PROM2: variants seen among roughly 807,000 people sequenced by gnomAD.
PROM2 encodes prominin 2.
PROM2 carries 90 observed loss-of-function variants against 110.2 expected under a neutral mutation model. The observed-to-expected ratio is 0.82, with a 90% CI of 0.69 to 0.97. The LOEUF (loss-of-function observed/expected upper bound fraction) is 0.97, where lower values mean the gene tolerates loss of function less well. PROM2 is among the 50% of genes least tolerant of loss of function. PROM2 has a pLI of 0.00. For synonymous variants in PROM2, 470 were observed against 467.8 expected (o/e 1.00, Z -0.06); for missense variants, 1,009 against 1,074.8 (o/e 0.94, Z 0.86).
intron 10 of PROM2, 105 bp from the exon 11 acceptor site, chr2:95,279,740 C>A: frequency 1.1e-6 from 1 of 936,848 alleles, no homozygotes; most frequent in Non-Finnish European, 1.5e-6. Context: ...TCTGAAGCCC[C>A]AGCCTTGGGG....
Position 95,286,504 on chromosome 2 carries a change from T to G in PROM2, c.1973T>G (p.Leu658Arg). 1 of 1,613,758 alleles carries G rather than the reference T, an allele frequency of 6.2e-7. No homozygotes were observed. The highest frequency in any genetic ancestry group is 8.5e-7 in the Non-Finnish European group (1 of 1,179,938). The change falls in exon 17 of 24, where the codon CTG (leucine) becomes CGG (arginine). Residue 658 changes from leucine (L) to arginine (R), a missense_variant. Physicochemically the swap from Leu to Arg is moderately radical, Grantham distance 102. Transcript: ENST00000317620. ...AQDNSVLGQR[L>R]QEEAQGLRNL... is the part of the protein sequence containing the mutation. ...GACAATTCTGTGCTGGGGCAGCGGC[T>G]GCAGGAGGAGGCCCAAGGACTCAGA... is the stretch of plus-strand genomic sequence containing the variant.
Position 95,276,489 on chromosome 2 carries a change from C to T in PROM2, c.619-105C>T. On this transcript the variant is annotated intron_variant, in intron 4 of 23. Transcript: ENST00000317620. This position sits in a 1 kb window ranked among gnomAD's most constrained non-coding sequence, Gnocchi z 4.6. ...CCCGCCCTTGCCTGAGAGTCGACCACCCTCAGGGTGGATGCCATAGGGGCA... is the reference window on the plus strand; with the variant it reads ...CCCGCCCTTGCCTGAGAGTCGACCATCCTCAGGGTGGATGCCATAGGGGCA... The T allele has an allele frequency of 1.9e-6, 3 of 1,600,888 alleles. No homozygotes were observed. Among genetic ancestry groups the T allele is most frequent in the Non-Finnish European group, 2.6e-6 (3 of 1,169,632 alleles).
At chr2:95,284,290 T>A (rs1677213222) in intron 14 of PROM2, among the ~76,000 whole-genome samples, 2 of 151,544 alleles carry the variant, frequency 1.3e-5, no homozygotes, top group East Asian at 1.9e-4. Context: ...AGCCTAGGAG[T>A]TCAAGAACAG....
Position 95,289,229 on chromosome 2 carries a change from G to C in PROM2, c.*16G>C. 1.7e-6 allele frequency: 1 copy of C among 577,630 alleles called. No homozygotes were observed. Among genetic ancestry groups the C allele is most frequent in the Non-Finnish European group, 3.1e-6 (1 of 322,490 alleles). The allele number at this position is 577,630 out of a possible 1,614,324, so 35.8% of individuals were successfully genotyped here. A position where few individuals can be genotyped will look rare whatever the true frequency, so the allele number is the denominator to read the frequency against. The stretch of plus-strand genomic sequence containing the variant: ...TCCTTCTTAATCCCTGACAGGGTGA[G>C]GTGACCCTGAGGCTGCCTGTCCTCC... On this transcript the variant is annotated 3_prime_UTR_variant, in exon 24 of 24. Transcript: ENST00000317620.
At chr2:95,287,355 T>G (rs1677424096) in intron 19 of PROM2, 41 bp from the exon 20 acceptor site, 1 of 1,610,772 alleles carries the variant, frequency 6.2e-7, no homozygotes, top group African/African-American at 1.3e-5. Flanking sequence ...CACTGCTGCT[T>G]CTGGGACCCC....
intron 8 of PROM2, 165 bp from the exon 9 acceptor site, chr2:95,278,556 G>A: frequency 1.3e-6 from 1 of 757,362 alleles, no homozygotes. Context: ...GGGAAGTTGA[G>A]TCAGACTGGG....
rs139275737 is a variant in PROM2, at chr2:95,279,011, C to G, written c.1141C>G (p.Pro381Ala). Residue 381 changes from proline (P) to alanine (A), a missense_variant, in exon 10 of 24, where the codon CCG becomes GCG. Transcript: ENST00000317620. ...QELKKAVAQQPEGVRTLAEGF... is the reference protein window; with the variant it reads ...QELKKAVAQQAEGVRTLAEGF... ...GCTGAAGAAGGCAGTGGCCCAGCAG[C>G]CGGAAGGGGTGAGGACACTGGCTGA... is the stretch of plus-strand genomic sequence containing the variant. The G allele has an allele frequency of 6.2e-6, 10 of 1,608,936 alleles. No individual in the cohort carries two copies. The highest frequency in any genetic ancestry group is 1.1e-5 in the South Asian group (1 of 90,238).
chr2:95,276,128 C>G lies in PROM2; in HGVS notation c.493C>G (p.Leu165Val). Residue 165 changes from leucine to valine, a missense_variant, in exon 3 of 24, where the codon CTG becomes GTG. Physicochemically the swap from Leu to Val is conservative, Grantham distance 32 (BLOSUM62 1). Transcript: ENST00000317620. The surrounding 1 kb of genome is among the most constrained non-coding windows in gnomAD (Gnocchi z 4.6). ...MVFLLLTTLL[L>V]LIGVVCAFVT... Reference sequence around the variant, plus strand: ...CTTCCTGCTGCTGACCACCCTCTTGCTGCTGTAAGGCGCTGCCCAGGGCCC... The same window carrying G: ...CTTCCTGCTGCTGACCACCCTCTTGGTGCTGTAAGGCGCTGCCCAGGGCCC... 1 of 1,612,076 alleles carries G rather than the reference C, an allele frequency of 6.2e-7. No homozygotes were observed. The highest frequency in any genetic ancestry group is 8.5e-7 in the Non-Finnish European group (1 of 1,179,494).
chr2:95,288,798 C>A, intron 22 of PROM2, 135 bp from the exon 23 acceptor site: 1 of 940,018 alleles, frequency 1.1e-6, no homozygotes, highest in Non-Finnish European at 1.7e-6. Flanking sequence ...TCCATTTGGG[C>A]GCAGCTTCGT....
In PROM2 at chr2:95,276,387, G is replaced by A. The variant is rs1163316488; in HGVS notation, c.618+40G>A. ...CCCTCACCCTCATGTGCCCCTGTGA[G>A]CACTGGGCCCGGGCAGGACAGAGCC... On this transcript the variant is annotated intron_variant, in intron 4 of 23. Transcript: ENST00000317620. The surrounding 1 kb of genome is among the most constrained non-coding windows in gnomAD (Gnocchi z 4.6). 1.9e-6 allele frequency: 3 copies of A among 1,608,506 alleles called. No homozygotes were observed. The highest frequency in any genetic ancestry group is 2.5e-6 in the Non-Finnish European group (3 of 1,177,152).
intron 11 of PROM2, among the ~76,000 whole-genome samples, chr2:95,280,833 A>G (rs1174128410): frequency 2.6e-5 from 4 of 152,112 alleles, no homozygotes; most frequent in Admixed American, 2.6e-4. Flanking sequence ...TTGTAGAGAC[A>G]TGGTCTCACT....
Position 95,276,425 on chromosome 2 carries a change from G to A in PROM2, c.618+78G>A, listed in dbSNP as rs1676666071. The A allele has an allele frequency of 8.2e-6, 13 of 1,594,804 alleles. No individual in the cohort carries two copies. The highest frequency in any genetic ancestry group is 5.7e-5 in the South Asian group (5 of 88,430). ...GCAGGACAGAGCCGAGTGGGCCCTCGATGGCCCATAACCAGCGCATCTGAA... is the reference window on the plus strand; with the variant it reads ...GCAGGACAGAGCCGAGTGGGCCCTCAATGGCCCATAACCAGCGCATCTGAA... On this transcript the variant is annotated intron_variant, in intron 4 of 23. Coordinates refer to ENST00000317620, the MANE Select transcript of PROM2 (RefSeq NM_001165978.3). This position sits in a 1 kb window ranked among gnomAD's most constrained non-coding sequence, Gnocchi z 4.6.
chr2:95,281,460 G>C, intron 12 of PROM2, 95 bp downstream of exon 12: 1 of 898,568 alleles, frequency 1.1e-6, no homozygotes, highest in Non-Finnish European at 1.6e-6. Context: ...GGGTCGGGGG[G>C]TAAAAGGGAG....
chr2:95,278,256 G>C, intron 8 of PROM2: 4 of 576,624 alleles, frequency 6.9e-6, no homozygotes, highest in Non-Finnish European at 1.2e-5. Context: ...GAGCCCAGAG[G>C]GCAGGCGGCT....
At chr2:95,282,942 G>A (rs1385365763) in intron 14 of PROM2, among the ~76,000 whole-genome samples, 1 of 152,086 alleles carries the variant, frequency 6.6e-6, no homozygotes, top group Admixed American at 6.5e-5. Context: ...CAAACACAGA[G>A]CATGCTAACT....
rs566664897 is a variant in PROM2, at chr2:95,274,618, G to GCTGGGC, written c.45_50dup (p.Gly17_Leu18dup). On this transcript the variant is annotated inframe_insertion, in exon 1 of 24. Coordinates refer to ENST00000317620, the MANE Select transcript of PROM2 (RefSeq NM_001165978.3). ...ACACACTGGCTCTGCTGGCTCCCCT[G>GCTGGGC]CTGGGCCTGGGCCTGGGGCTGGCCC... 410 of 1,601,656 alleles carry GCTGGGC rather than the reference G, an allele frequency of 2.6e-4. 7 individuals carry two copies. The South Asian group carries it at 3.5e-3, about 14-fold the overall frequency.
chr2:95,286,415 G>A, intron 16 of PROM2, 64 bp from the exon 17 acceptor site: 2 of 1,433,468 alleles, frequency 1.4e-6, no homozygotes, highest in Non-Finnish European at 2.0e-6. Context: ...ATGTCAGACT[G>A]AAAGGCTGGG....
Position 95,276,646 on chromosome 2 carries a change from A to G in PROM2, c.671A>G (p.Glu224Gly). The change falls in exon 5 of 24, where the codon GAG becomes GGG. Residue 224 changes from glutamate to glycine, a missense_variant. Coordinates refer to ENST00000317620, the MANE Select transcript of PROM2 (RefSeq NM_001165978.3). The surrounding 1 kb of genome is among the most constrained non-coding windows in gnomAD (Gnocchi z 4.6). ...TCCCTGCCCCAGGAGCAAGTCTCAGAGGAGCTGGATGGTGAGGGTCTCGGG... is the reference window on the plus strand; with the variant it reads ...TCCCTGCCCCAGGAGCAAGTCTCAGGGGAGCTGGATGGTGAGGGTCTCGGG... ...QFSLPQEQVS[E>G]ELDGVGVSIG... 6.2e-7 allele frequency: 1 copy of G among 1,612,914 alleles called. No individual in the cohort carries two copies. The highest frequency in any genetic ancestry group is 2.2e-5 in the East Asian group (1 of 44,846).
At position 95,277,254 on chromosome 2, in the gene PROM2, G is replaced by A. The variant is rs527536935; in HGVS notation, c.773-110G>A. 1.3e-5 allele frequency: 17 copies of A among 1,284,008 alleles called. No homozygotes were observed. In the East Asian group the frequency reaches 4.1e-4, roughly 31 times the overall value. 79.5% of individuals were successfully genotyped at this position (1,284,008 alleles called of 1,614,324 possible). Reference sequence around the variant, plus strand: ...GGGGCAGTTTCCACTGTAGGCAGGAGGTCAATGATTTGCAGGTCCCTTTGG... The same window carrying A: ...GGGGCAGTTTCCACTGTAGGCAGGAAGTCAATGATTTGCAGGTCCCTTTGG... On this transcript the variant is annotated intron_variant, in intron 6 of 23. Coordinates refer to ENST00000317620, the MANE Select transcript of PROM2 (RefSeq NM_001165978.3).
Sources: allele counts gnomAD v4.1 joint callset (sites outside exome capture counted in the v4.1 genomes callset), GRCh38; gene constraint gnomAD v4.1.1; non-coding constraint Gnocchi (gnomAD v3.1); transcripts MANE v1.5; gene names NCBI Gene and HGNC (gene_info 2026-07-23, HGNC 2026-07-21).